The following MCF2L2 variants were observed in gnomAD, a reference collection of about 807,000 sequenced individuals.
MCF2L2 encodes the protein probable guanine nucleotide exchange factor MCF2L2.
Under a neutral mutation model 150.2 loss-of-function variants are expected in MCF2L2, and 102 were observed. That is an observed-to-expected ratio of 0.68 (90% CI 0.58 to 0.80). The LOEUF (loss-of-function observed/expected upper bound fraction) is 0.80. MCF2L2 is among the 30% of genes least tolerant of loss of function. The pLI, the probability that MCF2L2 is intolerant of heterozygous loss-of-function variation, is 0.00. For missense variants in MCF2L2, 1,256 were observed against 1,372.8 expected, an observed-to-expected ratio of 0.91 and a Z score of 1.34; for synonymous variants, 465 against 491.3, an observed-to-expected ratio of 0.95 and a Z score of 0.71.
chr3:183,225,453 T>C (rs1190108746), intron 18 of MCF2L2: 3 of 152,258 alleles, frequency 2.0e-5, no homozygotes, highest in South Asian at 2.1e-4. Flanking sequence ...ACCAGCAACA[T>C]ACAAAAGTGC....
chr3:183,400,245 T>TG, intron 1 of MCF2L2: 1 of 331,692 alleles, frequency 3.0e-6, no homozygotes. Flanking sequence ...TACTGCAAAG[T>TG]AAGATTTTTT....
At chr3:183,295,134 C>T (rs1413817660) in intron 13 of MCF2L2, among the ~76,000 whole-genome samples, 166 bp downstream of exon 13, 1 of 152,200 alleles carries the variant, frequency 6.6e-6, no homozygotes, top group Non-Finnish European at 1.5e-5. Context: ...TTGGTGTTAT[C>T]TAAGTGTTTA....
chr3:183,315,485 C>G (rs1337528751), intron 7 of MCF2L2, among the ~76,000 whole-genome samples: 1 of 152,158 alleles, frequency 6.6e-6, no homozygotes, highest in East Asian at 1.9e-4. Flanking sequence ...TTTCACTTGT[C>G]TTACAGGTTG....
chr3:183,226,556 C>T (rs1259324084), intron 18 of MCF2L2: 2 of 152,132 alleles, frequency 1.3e-5, no homozygotes, highest in Admixed American at 6.5e-5. Context: ...CCCAACATGG[C>T]GGGGCGCTAT....
chr3:183,317,911 G>A (rs1007004633), intron 7 of MCF2L2, among the ~76,000 whole-genome samples, 157 bp downstream of exon 7: 1 of 151,474 alleles, frequency 6.6e-6, no homozygotes, highest in African/African-American at 2.5e-5. Context: ...ATTACAAACT[G>A]CCTGTCTGGA....
At chr3:183,285,943 A>C (rs1215032606) in intron 14 of MCF2L2, among the ~76,000 whole-genome samples, 1 of 152,168 alleles carries the variant, frequency 6.6e-6, no homozygotes, top group Admixed American at 6.5e-5. Context: ...TTCACCTTTC[A>C]GCCAGTGAAG....
In MCF2L2 at chr3:183,323,363, A is replaced by C. The variant is rs762633457; in HGVS notation, c.487-12T>G. On this transcript the variant is annotated splice_polypyrimidine_tract_variant and intron_variant, in intron 5 of 29. Coordinates refer to ENST00000328913, the MANE Select transcript of MCF2L2 (RefSeq NM_015078.4). The stretch of plus-strand genomic sequence containing the variant: ...TTTACCATGATGATCTGTAAGGTAA[A>C]AATTTAATTAAACATACTCCTCATT... The C allele has an allele frequency of 1.4e-5, 20 of 1,461,158 alleles. No individual in the cohort carries two copies. The highest frequency in any genetic ancestry group is 1.9e-6 in the Non-Finnish European group (2 of 1,041,984). The allele number at this position is 1,461,158 out of a possible 1,614,324, so 90.5% of individuals were successfully genotyped here.
chr3:183,423,245 A>C (rs1715977691), intron 1 of MCF2L2, among the ~76,000 whole-genome samples: 1 of 152,178 alleles, frequency 6.6e-6, no homozygotes, highest in Admixed American at 6.5e-5. Context: ...TGGACTCTAG[A>C]CATTTCAGCT....
At chr3:183,200,028 A>T (rs980185226) in intron 25 of MCF2L2, among the ~76,000 whole-genome samples, 5 of 152,266 alleles carry the variant, frequency 3.3e-5, no homozygotes, top group African/African-American at 9.6e-5. Flanking sequence ...TCTATCATTG[A>T]TGGACATTTG....
intron 13 of MCF2L2, among the ~76,000 whole-genome samples, chr3:183,294,676 T>G (rs1728382237): frequency 6.7e-6 from 1 of 148,330 alleles, no homozygotes; most frequent in Non-Finnish European, 1.5e-5. Flanking sequence ...TCACCCAGGA[T>G]GGAGTGCAGT....
intron 1 of MCF2L2, among the ~76,000 whole-genome samples, chr3:183,395,409 G>T (rs1014462014): frequency 6.6e-6 from 1 of 152,144 alleles, no homozygotes; most frequent in Admixed American, 6.5e-5. Flanking sequence ...TATGAGAAAA[G>T]AATATATGAA....
At chr3:183,206,010 T>C in intron 24 of MCF2L2, 56 bp from the exon 25 acceptor site, 2 of 1,564,874 alleles carry the variant, frequency 1.3e-6, no homozygotes, top group Non-Finnish European at 1.8e-6. Flanking sequence ...AATTGCAGAG[T>C]TTTTATTCTC....
At chr3:183,257,779 C>A (rs1427223098) in intron 15 of MCF2L2, among the ~76,000 whole-genome samples, 3 of 152,108 alleles carry the variant, frequency 2.0e-5, no homozygotes, top group African/African-American at 7.2e-5. Flanking sequence ...TATTATTCAA[C>A]CACAGCTAAA....
chr3:183,251,116 G>A (rs1282136083), intron 15 of MCF2L2, among the ~76,000 whole-genome samples: 1 of 152,150 alleles, frequency 6.6e-6, no homozygotes, highest in Non-Finnish European at 1.5e-5. Context: ...AATGAACACC[G>A]GCCTGCTTCA....
intron 17 of MCF2L2, among the ~76,000 whole-genome samples, chr3:183,229,033 G>A (rs989307787): frequency 5.9e-5 from 9 of 152,152 alleles, no homozygotes; most frequent in African/African-American, 2.2e-4. Flanking sequence ...ATGGGGTTAG[G>A]AAGCAACTGT....
chr3:183,228,491 T>C (rs1723430451), intron 17 of MCF2L2, 125 bp from the exon 18 acceptor site: 1 of 523,408 alleles, frequency 1.9e-6, no homozygotes, highest in East Asian at 3.0e-5. Context: ...GCCTTCTTGC[T>C]CTTATCTTCT....
At chr3:183,253,607 A>AT (rs1286813246) in intron 15 of MCF2L2, 1 of 152,316 alleles carries the variant, frequency 6.6e-6, no homozygotes, top group Non-Finnish European at 1.5e-5. Context: ...AGCTCCACGC[A>AT]TAAGTGGTGT....
At chr3:183,286,838 C>A (rs1727822847) in intron 14 of MCF2L2, among the ~76,000 whole-genome samples, 1 of 152,192 alleles carries the variant, frequency 6.6e-6, no homozygotes, top group South Asian at 2.1e-4. Context: ...TTAACATACA[C>A]TGTTGTGGGA....
At chr3:183,363,943 T>C (rs184891021) in intron 3 of MCF2L2, among the ~76,000 whole-genome samples, 61 of 152,264 alleles carry the variant, frequency 4.0e-4, no homozygotes, top group Admixed American at 1.6e-3. Flanking sequence ...TTGATCACAA[T>C]GTAAGGCCAC....
Sources: allele counts gnomAD v4.1 joint callset (sites outside exome capture counted in the v4.1 genomes callset), GRCh38; gene constraint gnomAD v4.1.1; transcripts MANE v1.5; gene names NCBI Gene and HGNC (gene_info 2026-07-23, HGNC 2026-07-21).